Variants in PCDH15 observed in about 807,000 individuals in gnomAD.
PCDH15 encodes protocadherin-15.
PCDH15 carries 129 observed loss-of-function variants against 178.5 expected under a neutral mutation model. The observed-to-expected ratio is 0.72, with a 90% CI of 0.63 to 0.84. The LOEUF (loss-of-function observed/expected upper bound fraction) is 0.84. Among genes scored for constraint, PCDH15 ranks in the 40% least tolerant of loss-of-function variants. The pLI is 0.00. For synonymous variants in PCDH15, 800 were observed against 732.0 expected (o/e 1.09, Z -1.50); for missense variants, 2,230 against 2,099.9 (o/e 1.06, Z -1.21).
rs1038946739 is a variant in PCDH15, at chr10:55,128,104, A to C, written c.-80+38472T>G. 9.9e-5 allele frequency among the ~76,000 whole-genome samples: 15 copies of C among 152,164 alleles called. No homozygotes were observed. In the East Asian group the frequency reaches 2.7e-3, roughly 28 times the overall value. On this transcript the variant is annotated intron_variant, in intron 2 of 5. Transcript: ENST00000458638. ...TCCTAACTGCTTCCAACTGGAAGCC[A>C]CTTTTTATGATCTAACGCTGTCATA...
intron 13 of PCDH15, among the ~76,000 whole-genome samples, chr10:54,162,973 T>C (rs1192658192): frequency 3.3e-5 from 5 of 151,014 alleles, no homozygotes; most frequent in Admixed American, 3.3e-4. Context: ...GGATGAAATA[T>C]AAACAAACGT....
chr10:54,790,047 G>A (rs1318117123), intron 1 of PCDH15, among the ~76,000 whole-genome samples: 1 of 151,828 alleles, frequency 6.6e-6, no homozygotes, highest in African/African-American at 2.4e-5. Flanking sequence ...TTAAATAAAA[G>A]TATAGGTAAA....
intron 3 of PCDH15, among the ~76,000 whole-genome samples, chr10:54,487,567 G>A (rs2079200281): frequency 6.6e-6 from 1 of 152,034 alleles, no homozygotes; most frequent in Non-Finnish European, 1.5e-5. Flanking sequence ...GTACTCATGA[G>A]TGGTGTCTTT....
At chr10:54,160,283 T>G (rs2045577584) in intron 13 of PCDH15, among the ~76,000 whole-genome samples, 1 of 152,170 alleles carries the variant, frequency 6.6e-6, no homozygotes, top group Non-Finnish European at 1.5e-5. Context: ...TTTCTAGAAT[T>G]TTCCATTTAA....
chr10:55,602,045 CA>C (rs1843094338), intron 2 of PCDH15, among the ~76,000 whole-genome samples: 1 of 152,104 alleles, frequency 6.6e-6, no homozygotes, highest in Admixed American at 6.5e-5. Flanking sequence ...GTGCACCAGC[CA>C]AAGCAGGGCG....
At chr10:53,825,148 A>G in intron 32 of PCDH15, 2 of 1,539,764 alleles carry the variant, frequency 1.3e-6, no homozygotes, top group South Asian at 2.5e-5. Flanking sequence ...ATGCCTATGT[A>G]TCCACAGGTG....
intron 1 of PCDH15, among the ~76,000 whole-genome samples, chr10:54,786,028 A>T (rs1950841992): frequency 6.6e-6 from 1 of 152,024 alleles, no homozygotes; most frequent in Non-Finnish European, 1.5e-5. Flanking sequence ...TTGAGTGTCC[A>T]CACTTATGAT....
intron 26 of PCDH15, among the ~76,000 whole-genome samples, chr10:53,901,797 T>C (rs555858150): frequency 1.4e-4 from 22 of 152,316 alleles, no homozygotes; most frequent in African/African-American, 5.3e-4. Flanking sequence ...TCTTTTCCTT[T>C]ATTCAGGTCA....
intron 1 of PCDH15, among the ~76,000 whole-genome samples, chr10:54,664,922 A>G (rs74136238): frequency 2.4e-3 from 357 of 151,780 alleles, no homozygotes; most frequent in African/African-American, 8.1e-3. Context: ...AAAAAAAAAA[A>G]AAAGAAAGAA....
chr10:54,605,819 G>T (rs562826008), intron 2 of PCDH15: 4 of 151,870 alleles, frequency 2.6e-5, no homozygotes, highest in East Asian at 1.9e-4. Flanking sequence ...TAGCCTCCAT[G>T]GGCCTAATGG....
intron 2 of PCDH15, among the ~76,000 whole-genome samples, chr10:55,449,558 A>G (rs1230451588): frequency 1.3e-5 from 2 of 152,144 alleles, no homozygotes; most frequent in Non-Finnish European, 1.5e-5. Context: ...CAATTTTTAA[A>G]GAACTAAAAC....
chr10:54,617,493 T>G (rs964738106), intron 2 of PCDH15, among the ~76,000 whole-genome samples: 1 of 151,950 alleles, frequency 6.6e-6, no homozygotes, highest in Non-Finnish European at 1.5e-5. Context: ...TATCATAAGG[T>G]CTTCTATACA....
Position 55,395,246 on chromosome 10 carries a change from C to G in PCDH15, c.-155-228595G>C, listed in dbSNP as rs144379473. On this transcript the variant is annotated intron_variant, in intron 2 of 5. Coordinates refer to the PCDH15 transcript ENST00000613346. ...GAGAGAGAGAGAAAGAGACTACGTA[C>G]GTTTTAATGTGTAGTTTTCTATGGG... is the stretch of plus-strand genomic sequence containing the variant. Among the ~76,000 whole-genome samples the G allele has an allele frequency of 2.1e-5, 3 of 146,022 alleles. No individual in the cohort carries two copies. The Admixed American group carries it at 2.1e-4, about 10-fold the overall frequency.
intron 2 of PCDH15, among the ~76,000 whole-genome samples, chr10:55,463,638 A>G (rs1839726798): frequency 6.6e-6 from 1 of 151,974 alleles, no homozygotes; most frequent in African/African-American, 2.4e-5. Context: ...TGTATGTGAC[A>G]CTGAAGGATA....
intron 2 of PCDH15, among the ~76,000 whole-genome samples, chr10:54,640,743 A>G (rs1484858687): frequency 4.0e-5 from 6 of 151,804 alleles, no homozygotes; most frequent in Non-Finnish European, 8.8e-5. Context: ...AATTAGAAAA[A>G]GAAAAAAAAA....
intron 2 of PCDH15, among the ~76,000 whole-genome samples, chr10:55,384,209 T>C (rs534424671): frequency 6.7e-4 from 102 of 152,208 alleles, no homozygotes; most frequent in African/African-American, 2.4e-3. Flanking sequence ...CTTTTGGGAG[T>C]TGCAATATTG....
intron 2 of PCDH15, among the ~76,000 whole-genome samples, chr10:55,103,111 CTTT>C (rs112141976): frequency 1.6e-5 from 2 of 125,522 alleles, no homozygotes; most frequent in African/African-American, 2.8e-5. Flanking sequence ...TCTGATTTTT[CTTT>C]TTTTTTTTTT....
chr10:55,527,571 A>G (rs1003769379), intron 2 of PCDH15, among the ~76,000 whole-genome samples: 2 of 152,060 alleles, frequency 1.3e-5, no homozygotes, highest in Non-Finnish European at 2.9e-5. Context: ...ACTTCAATAT[A>G]TAATATTGTA....
intron 2 of PCDH15, among the ~76,000 whole-genome samples, chr10:55,036,874 G>T (rs1457443421): frequency 6.6e-6 from 1 of 152,102 alleles, no homozygotes; most frequent in East Asian, 1.9e-4. Context: ...TTGTATGAGA[G>T]AAATTAAAAG....
Sources: gnomAD v4.1 joint callset for allele counts (sites outside exome capture counted in the v4.1 genomes callset) on GRCh38, gnomAD v4.1.1 for gene constraint, MANE v1.5 for transcripts, NCBI Gene and HGNC (gene_info 2026-07-23, HGNC 2026-07-21) for gene names.